Variants in PTPRS observed in about 807,000 individuals in gnomAD.
PTPRS encodes the protein receptor-type tyrosine-protein phosphatase S.
PTPRS carries 63 observed loss-of-function variants against 215.3 expected under a neutral mutation model. The observed-to-expected ratio is 0.29, with a 90% CI of 0.24 to 0.36. The LOEUF is 0.36. Among genes scored for constraint, PTPRS ranks in the 10% least tolerant of loss-of-function variants. PTPRS has a pLI of 1.00. For synonymous variants in PTPRS, 1,404 were observed against 1,191.4 expected (o/e 1.18, Z -3.68); for missense variants, 2,258 against 2,825.8 (o/e 0.80, Z 4.56).
Position 5,210,326 on chromosome 19 carries a change from G to A in PTPRS, c.5487+143C>T. 2 of 1,221,006 alleles carry A rather than the reference G, an allele frequency of 1.6e-6. No homozygotes were observed. Among genetic ancestry groups the A allele is most frequent in the Non-Finnish European group, 2.3e-6 (2 of 860,856 alleles). 75.6% of individuals were successfully genotyped at this position (1,221,006 alleles called of 1,614,324 possible). A position where few individuals can be genotyped will look rare whatever the true frequency, so the allele number is the denominator to read the frequency against. ...TCCACCTATGTGGCAGTAGAAGCAA[G>A]TGGCCAACTGGTCAGCTGACACTTC... On this transcript the variant is annotated intron_variant, in intron 35 of 37. Transcript: ENST00000262963. The surrounding 1 kb of genome is among the most constrained non-coding windows in gnomAD (Gnocchi z 4.5).
intron 13 of PTPRS, among the ~76,000 whole-genome samples, chr19:5,235,242 T>C (rs2043346457): frequency 1.3e-5 from 2 of 152,066 alleles, no homozygotes; most frequent in African/African-American, 4.8e-5. Flanking sequence ...GCCCGGCCAA[T>C]AGTTTTCATT....
rs61729774 is a variant in PTPRS, at chr19:5,212,094, G to A, written c.4926C>T (p.His1642=). Residue 1642 remains histidine (H), a synonymous_variant, in exon 32 of 38, where the codon CAC becomes CAT. Coordinates refer to ENST00000262963, the MANE Select transcript of PTPRS (RefSeq NM_002850.4). ...AGCCCACGGCCTCCAGCAGGGCCTC[G>A]TGGATGAAGCTGTACTGGTCCTCCG... is the stretch of plus-strand genomic sequence containing the variant. ...VQTEDQYSFI[H]EALLEAVGCG... 3.2e-3 allele frequency: 5,101 copies of A among 1,614,044 alleles called. 146 individuals are homozygous for A. The African/African-American group carries it at 0.06, about 19-fold the overall frequency.
intron 1 of PTPRS, among the ~76,000 whole-genome samples, chr19:5,302,858 C>T (rs1322956936): frequency 6.8e-6 from 1 of 146,632 alleles, no homozygotes; most frequent in East Asian, 2.0e-4. Context: ...GAGATCGAGA[C>T]GATCCTGGCT....
intron 22 of PTPRS, 132 bp from the exon 23 acceptor site, chr19:5,219,599 G>C: frequency 8.6e-7 from 1 of 1,157,186 alleles, no homozygotes; most frequent in Non-Finnish European, 1.2e-6. Flanking sequence ...CTTGACCCTG[G>C]TGGCCTATGT....
intron 1 of PTPRS, among the ~76,000 whole-genome samples, chr19:5,308,336 T>C (rs10518244): frequency 0.067 from 10,186 of 152,152 alleles, 412 homozygotes; most frequent in African/African-American, 0.11. Context: ...GGGAACTCTT[T>C]AACTATAGAT....
At position 5,287,870 on chromosome 19, in the gene PTPRS, G is replaced by A. The variant is rs1475046072; in HGVS notation, c.-94-1636C>T. ...CACAGATGCACACAGTCAAACCACC[G>A]ATACACACCGACACACAGTCAGACT... is the stretch of plus-strand genomic sequence containing the variant. On this transcript the variant is annotated intron_variant, in intron 1 of 37. Coordinates refer to ENST00000262963, the MANE Select transcript of PTPRS (RefSeq NM_002850.4). This position sits in a 1 kb window ranked among gnomAD's most constrained non-coding sequence, Gnocchi z 4.8. 1.3e-5 allele frequency among the ~76,000 whole-genome samples: 2 copies of A among 151,360 alleles called. No individual in the cohort carries two copies. The highest frequency in any genetic ancestry group is 2.4e-5 in the African/African-American group (1 of 41,118).
intron 1 of PTPRS, among the ~76,000 whole-genome samples, chr19:5,318,634 T>G (rs2049943669): frequency 6.6e-6 from 1 of 152,196 alleles, no homozygotes; most frequent in Admixed American, 6.5e-5. Flanking sequence ...GCAGATATTA[T>G]CTTGGTGGTG....
chr19:5,313,942 A>G (rs1055435582), intron 1 of PTPRS, among the ~76,000 whole-genome samples: 3 of 11,164 alleles, frequency 2.7e-4, no homozygotes, highest in African/African-American at 5.1e-3. Flanking sequence ...CTCTCCACAA[A>G]TAATAATAAT....
intron 1 of PTPRS, among the ~76,000 whole-genome samples, chr19:5,292,078 A>C (rs1157299856): frequency 1.3e-5 from 2 of 152,058 alleles, no homozygotes; most frequent in African/African-American, 4.8e-5. Flanking sequence ...CCCAGGGTGG[A>C]TCAAGACCCA....
chr19:5,219,462 A>G lies in PTPRS; in HGVS notation c.3771T>C (p.Phe1257=). Reference sequence around the variant, plus strand: ...AGGGGTCTGAGAAGGGACTGGCTGCAAAGGTCTGCAGGGAAAGGAGGGGGG... The same window carrying G: ...AGGGGTCTGAGAAGGGACTGGCTGCGAAGGTCTGCAGGGAAAGGAGGGGGG... ...LAVLQKSEPT[F]AASPFSDPFQ... is the part of the protein sequence containing the mutation. Residue 1257 remains phenylalanine (F), a synonymous_variant, in exon 23 of 38, where the codon TTT becomes TTC. Transcript: ENST00000262963. 6.3e-7 allele frequency: 1 copy of G among 1,584,984 alleles called. No homozygotes were observed. The highest frequency in any genetic ancestry group is 8.6e-7 in the Non-Finnish European group (1 of 1,165,720).
rs111427313 is a variant in PTPRS at position 5,206,081 on chromosome 19, A to G, written c.*693T>C. Among the ~76,000 whole-genome samples the G allele has an allele frequency of 7.4e-6, 1 of 135,576 alleles. No homozygotes were observed. Among genetic ancestry groups the G allele is most frequent in the Admixed American group, 7.1e-5 (1 of 14,010 alleles). The allele number at this position is 135,576 out of a possible 152,430, so 88.9% of individuals were successfully genotyped here. On this transcript the variant is annotated 3_prime_UTR_variant, in exon 38 of 38. Transcript: ENST00000262963. ...AAATTAAAAAAAAAAAAAAAAAAAAAAAAGCCAAGGTACAGCCATGGGCCT... is the reference window on the plus strand; with the variant it reads ...AAATTAAAAAAAAAAAAAAAAAAAAGAAAGCCAAGGTACAGCCATGGGCCT...
rs778351304 is a variant in PTPRS at position 5,257,445 on chromosome 19, G to T, written c.706+572C>A. The stretch of plus-strand genomic sequence containing the variant: ...ACTGCCCTTCTCGGAGAGTCATTAG[G>T]AAGAGGCAGAAGGCGCCGGGCTCCG... On this transcript the variant is annotated intron_variant, in intron 8 of 37. Coordinates refer to ENST00000262963, the MANE Select transcript of PTPRS (RefSeq NM_002850.4). This position sits in a 1 kb window ranked among gnomAD's most constrained non-coding sequence, Gnocchi z 4.4. 2.2e-6 allele frequency: 1 copy of T among 458,774 alleles called. No homozygotes were observed. Among genetic ancestry groups the T allele is most frequent in the South Asian group, 1.5e-5 (1 of 64,652 alleles). The allele number at this position is 458,774 out of a possible 1,614,324, so 28.4% of individuals were successfully genotyped here.
At chr19:5,223,420 T>G in intron 17 of PTPRS, 123 bp from the exon 18 acceptor site, 4 of 1,137,964 alleles carry the variant, frequency 3.5e-6, no homozygotes, top group South Asian at 2.1e-5. Flanking sequence ...GGGGGGGGTC[T>G]TACTCTGTTG....
chr19:5,229,349 G>T lies in PTPRS; in HGVS notation c.2350-7C>A. 7.3e-7 allele frequency: 1 copy of T among 1,378,744 alleles called. No homozygotes were observed. Among genetic ancestry groups the T allele is most frequent in the African/African-American group, 1.5e-5 (1 of 66,754 alleles). The allele number at this position is 1,378,744 out of a possible 1,614,324, so 85.4% of individuals were successfully genotyped here. On this transcript the variant is annotated splice_region_variant and splice_polypyrimidine_tract_variant and intron_variant, in intron 15 of 37. Coordinates refer to ENST00000262963, the MANE Select transcript of PTPRS (RefSeq NM_002850.4). ...CCGTGTCATCCGTCTCCCACTGAGCGCGGGAGGAGGCGGCAGGGGAGAGAG... is the reference window on the plus strand; with the variant it reads ...CCGTGTCATCCGTCTCCCACTGAGCTCGGGAGGAGGCGGCAGGGGAGAGAG...
chr19:5,308,505 A>C lies in PTPRS; in HGVS notation c.-94-22271T>G, dbSNP rs116182947. ...GAGAGGGAATCAGGCCCAGGGCAGC[A>C]GCCACAGTGCAAGGCCTGGGCTAGT... On this transcript the variant is annotated intron_variant, in intron 1 of 37. Transcript: ENST00000262963. Among the ~76,000 whole-genome samples the C allele has an allele frequency of 8.6e-3, 1,305 of 152,332 alleles. 12 individuals carry two copies. The highest frequency in any genetic ancestry group is 0.03 in the African/African-American group (1,228 of 41,572).
At chr19:5,226,172 C>G (rs1014538460) in intron 16 of PTPRS, among the ~76,000 whole-genome samples, 2 of 152,206 alleles carry the variant, frequency 1.3e-5, no homozygotes, top group East Asian at 3.9e-4. Context: ...AGTCAGGGTC[C>G]GTCCCCGCTC....
chr19:5,223,939 G>C (rs1466799588), intron 17 of PTPRS, among the ~76,000 whole-genome samples: 2 of 151,874 alleles, frequency 1.3e-5, no homozygotes, highest in East Asian at 3.9e-4. Flanking sequence ...AGCACTTTGG[G>C]AGGCTGAGAT....
intron 4 of PTPRS, among the ~76,000 whole-genome samples, chr19:5,268,875 A>G (rs988686233): frequency 2.0e-5 from 3 of 152,196 alleles, no homozygotes; most frequent in Non-Finnish European, 4.4e-5. Flanking sequence ...CCTCCACTCA[A>G]CCAGGTCTGA....
In PTPRS at chr19:5,290,873, C is replaced by T. The variant is rs758512; in HGVS notation, c.-94-4639G>A. The stretch of plus-strand genomic sequence containing the variant: ...CATTTCCAGGACTGGACCCTGGCCT[C>T]CAGCCTCCCTGGACACCTGGGTCAC... On this transcript the variant is annotated intron_variant, in intron 1 of 37. Coordinates refer to ENST00000262963, the MANE Select transcript of PTPRS (RefSeq NM_002850.4). 5.3e-5 allele frequency among the ~76,000 whole-genome samples: 8 copies of T among 151,804 alleles called. No homozygotes were observed. The East Asian group carries it at 1.6e-3, about 30-fold the overall frequency.
Sources: allele counts gnomAD v4.1 joint callset (sites outside exome capture counted in the v4.1 genomes callset), GRCh38; gene constraint gnomAD v4.1.1; non-coding constraint Gnocchi (gnomAD v3.1); transcripts MANE v1.5; gene names NCBI Gene and HGNC (gene_info 2026-07-23, HGNC 2026-07-21).